Variants in AMBRA1 observed in about 807,000 individuals in gnomAD.
AMBRA1 encodes the protein activating molecule in BECN1-regulated autophagy protein 1.
In AMBRA1, 47 loss-of-function variants were observed where a neutral mutation model predicts 125.4. That is an observed-to-expected ratio of 0.37 (90% CI 0.30 to 0.48). AMBRA1 has a LOEUF of 0.48. Among genes scored for constraint, AMBRA1 ranks in the 20% least tolerant of loss-of-function variants. The pLI is 0.99. For missense variants in AMBRA1, 1,331 were observed against 1,693.4 expected, an observed-to-expected ratio of 0.79 and a Z score of 3.76; for synonymous variants, 626 against 655.5, an observed-to-expected ratio of 0.95 and a Z score of 0.69.
chr11:46,443,506 G>A lies in AMBRA1; in HGVS notation c.2614C>T (p.Leu872Phe), dbSNP rs1190864846. ...LQWWDFTKFDLPEISNASVNV... is the reference protein window; with the variant it reads ...LQWWDFTKFDFPEISNASVNV... ...GACTTACCATTACTGATTTCAGGGAGGTCAAACTTAGTGAAGTCCCACCAC... is the reference window on the plus strand; with the variant it reads ...GACTTACCATTACTGATTTCAGGGAAGTCAAACTTAGTGAAGTCCCACCAC... Residue 872 changes from leucine (L) to phenylalanine (F), a missense_variant, in exon 12 of 18, where the codon CTC (leucine) becomes TTC (phenylalanine). Physicochemically the swap from Leu to Phe is conservative, Grantham distance 22 (BLOSUM62 0). Coordinates refer to ENST00000683756, the MANE Select transcript of AMBRA1 (RefSeq NM_001387011.1). 1 of 1,613,944 alleles carries A rather than the reference G, an allele frequency of 6.2e-7. No individual in the cohort carries two copies. Among genetic ancestry groups the A allele is most frequent in the East Asian group, 2.2e-5 (1 of 44,888 alleles).
At chr11:46,480,008 CA>C (rs1402863421) in intron 11 of AMBRA1, among the ~76,000 whole-genome samples, 1 of 152,152 alleles carries the variant, frequency 6.6e-6, no homozygotes, top group Non-Finnish European at 1.5e-5. Flanking sequence ...TGGCAGAATT[CA>C]GTTCCTTGCA....
chr11:46,516,530 G>C (rs952181060), intron 7 of AMBRA1, among the ~76,000 whole-genome samples: 1 of 146,528 alleles, frequency 6.8e-6, no homozygotes, highest in Admixed American at 7.0e-5. Context: ...TCCTGGGTTC[G>C]AGCCATTCTC....
intron 11 of AMBRA1, among the ~76,000 whole-genome samples, chr11:46,449,437 C>A (rs1948466088): frequency 1.3e-5 from 2 of 152,084 alleles, no homozygotes; most frequent in South Asian, 4.2e-4. Context: ...ACATTAGCAT[C>A]AAAAAAATAA....
At chr11:46,517,482 T>TTG (rs1565242067) in intron 7 of AMBRA1, among the ~76,000 whole-genome samples, 1 of 144,726 alleles carries the variant, frequency 6.9e-6, no homozygotes, top group African/African-American at 2.5e-5. Flanking sequence ...TTTTTTTTTT[T>TTG]TTTTTTTTTT....
chr11:46,447,302 A>T (rs1948338871), intron 11 of AMBRA1, among the ~76,000 whole-genome samples: 1 of 152,100 alleles, frequency 6.6e-6, no homozygotes, highest in Non-Finnish European at 1.5e-5. Flanking sequence ...TGTGAGGCCA[A>T]GGCAGGAGGA....
At chr11:46,572,942 T>C (rs1220529455) in intron 1 of AMBRA1, among the ~76,000 whole-genome samples, 1 of 151,058 alleles carries the variant, frequency 6.6e-6, no homozygotes, top group Non-Finnish European at 1.5e-5. Flanking sequence ...ATAAAAAAAA[T>C]TAGCCGGGTG....
intron 4 of AMBRA1, 60 bp downstream of exon 4, chr11:46,547,053 C>T (rs1317412944): frequency 1.0e-5 from 15 of 1,477,282 alleles, no homozygotes; most frequent in South Asian, 5.4e-5. Flanking sequence ...AGCGAGACTC[C>T]GTCTCAAAAA....
intron 1 of AMBRA1, among the ~76,000 whole-genome samples, chr11:46,580,359 C>T (rs558097616): frequency 8.9e-4 from 135 of 152,160 alleles, no homozygotes; most frequent in Non-Finnish European, 1.8e-3. Context: ...TTCTCTCCAG[C>T]GCTACTTTTG....
chr11:46,568,451 TCAAAAA>T (rs2043620542), intron 1 of AMBRA1, among the ~76,000 whole-genome samples: 1 of 147,882 alleles, frequency 6.8e-6, no homozygotes, highest in African/African-American at 2.5e-5. Context: ...AGAGAGAAAC[TCAAAAA>T]CAAAAAACAA....
intron 1 of AMBRA1, among the ~76,000 whole-genome samples, chr11:46,551,995 T>A (rs1001708029): frequency 6.6e-6 from 1 of 150,410 alleles, no homozygotes; most frequent in African/African-American, 2.5e-5. Context: ...ACCACTGCAC[T>A]CCGGCCTGGG....
intron 9 of AMBRA1, among the ~76,000 whole-genome samples, chr11:46,496,176 C>G (rs1468478984): frequency 6.6e-6 from 1 of 151,862 alleles, no homozygotes; most frequent in Non-Finnish European, 1.5e-5. Context: ...GAGTTCGAGA[C>G]CAGCCTGGCC....
chr11:46,584,220 G>A (rs951748161), intron 1 of AMBRA1, among the ~76,000 whole-genome samples: 1 of 147,200 alleles, frequency 6.8e-6, no homozygotes, highest in African/African-American at 2.6e-5. Context: ...CATGTCCTTT[G>A]TAGGGACATG....
intron 12 of AMBRA1, among the ~76,000 whole-genome samples, chr11:46,442,389 C>T (rs924195589): frequency 5.9e-5 from 9 of 151,858 alleles, no homozygotes; most frequent in East Asian, 1.9e-4. Flanking sequence ...GTGATCCTCC[C>T]AACTCAGCCT....
chr11:46,443,264 A>ATCTTGTAGTTTATCGAG (rs1358644766), intron 12 of AMBRA1, among the ~76,000 whole-genome samples: 1 of 152,246 alleles, frequency 6.6e-6, no homozygotes, highest in Non-Finnish European at 1.5e-5. Context: ...AGTGATGTTA[A>ATCTTGTAGTTTATCGAG]TTAAACTCGA....
At chr11:46,570,206 G>A (rs1436269957) in intron 1 of AMBRA1, among the ~76,000 whole-genome samples, 3 of 141,860 alleles carry the variant, frequency 2.1e-5, no homozygotes, top group African/African-American at 5.2e-5. Context: ...AGGTTGCAGT[G>A]AGCAGAGATC....
chr11:46,468,693 T>C (rs1590884294), intron 11 of AMBRA1, among the ~76,000 whole-genome samples: 2 of 149,204 alleles, frequency 1.3e-5, no homozygotes, highest in Non-Finnish European at 3.0e-5. Context: ...GCGCCTGTAG[T>C]CCCCGTTACT....
At chr11:46,440,815 A>G (rs537391533) in intron 12 of AMBRA1, among the ~76,000 whole-genome samples, 1 of 152,230 alleles carries the variant, frequency 6.6e-6, no homozygotes, top group Non-Finnish European at 1.5e-5. Context: ...CTTGTCCAAT[A>G]AAGATACCAA....
chr11:46,566,459 G>A (rs1374310335), intron 1 of AMBRA1, among the ~76,000 whole-genome samples: 2 of 151,874 alleles, frequency 1.3e-5, no homozygotes, highest in African/African-American at 2.4e-5. Context: ...AATATAACTT[G>A]GATGAATCTC....
At chr11:46,425,884 C>T (rs1947106726) in intron 14 of AMBRA1, among the ~76,000 whole-genome samples, 3 of 151,930 alleles carry the variant, frequency 2.0e-5, no homozygotes, top group Admixed American at 6.6e-5. Context: ...TGGTGTCTCA[C>T]GCCTGTAATC....
Sources: gnomAD v4.1 joint callset for allele counts (sites outside exome capture counted in the v4.1 genomes callset) on GRCh38, gnomAD v4.1.1 for gene constraint, MANE v1.5 for transcripts, NCBI Gene and HGNC (gene_info 2026-07-23, HGNC 2026-07-21) for gene names.